HTR1F: variants seen among roughly 807,000 people sequenced by gnomAD.
The protein encoded by HTR1F is 5-hydroxytryptamine receptor 1F, also known as 5-hydroxytryptamine (serotonin) receptor 1F, G protein-coupled.
HTR1F carries 17 observed loss-of-function variants against 24.0 expected under a neutral mutation model. The ratio of observed to expected loss-of-function variants is 0.71; its 90% CI spans 0.48 to 1.06. HTR1F has a LOEUF of 1.06. Among genes scored for constraint, HTR1F ranks in the 50% least tolerant of loss-of-function variants. The pLI is 0.00. For synonymous variants in HTR1F, 186 were observed against 156.8 expected (o/e 1.19, Z -1.39); for missense variants, 391 against 427.8 (o/e 0.91, Z 0.76).
At chr3:87,899,165 C>T (rs1463551237) in intron 2 of HTR1F, among the ~76,000 whole-genome samples, 1 of 152,126 alleles carries the variant, frequency 6.6e-6, no homozygotes, top group Non-Finnish European at 1.5e-5. Context: ...TGTCCTTTGA[C>T]AATGCTAGGC....
chr3:87,873,764 T>C lies in HTR1F; in HGVS notation c.-43+51640T>C, dbSNP rs555066798. Among the ~76,000 whole-genome samples the C allele has an allele frequency of 2.6e-5, 4 of 152,292 alleles. No homozygotes were observed. The East Asian group carries it at 5.8e-4, about 22-fold the overall frequency. ...GGGATTTATTCCTAAAATGCAAGCA[T>C]GGCTCAACTTACAAAAATCAATCAA... On this transcript the variant is annotated intron_variant, in intron 2 of 2. Transcript: ENST00000319595.
chr3:87,850,342 GCAAACT>G (rs1705055535), intron 2 of HTR1F, among the ~76,000 whole-genome samples: 1 of 151,792 alleles, frequency 6.6e-6, no homozygotes, highest in African/African-American at 2.4e-5. Flanking sequence ...ATCATTCTCA[GCAAACT>G]ATCGCAAGGA....
intron 2 of HTR1F, among the ~76,000 whole-genome samples, chr3:87,984,445 TTTTG>T (rs1386600332): frequency 1.0e-5 from 1 of 97,926 alleles, no homozygotes; most frequent in Admixed American, 1.1e-4. Flanking sequence ...AAAGAGGTTT[TTTTG>T]TTTGTTTGTT....
intron 1 of HTR1F, among the ~76,000 whole-genome samples, chr3:87,813,281 A>G (rs1197726232): frequency 1.3e-5 from 2 of 152,222 alleles, no homozygotes; most frequent in Non-Finnish European, 2.9e-5. Context: ...GTCAAAAGAC[A>G]TTATTTTGGA....
intron 2 of HTR1F, among the ~76,000 whole-genome samples, chr3:87,859,792 T>C (rs1283531198): frequency 6.6e-6 from 1 of 152,068 alleles, no homozygotes; most frequent in Admixed American, 6.6e-5. Context: ...GCCAATAAAT[T>C]CCAAATCATA....
At chr3:87,929,032 CACCTGTCAGCTGGAGGTA>C (rs1398506846) in intron 2 of HTR1F, among the ~76,000 whole-genome samples, 2 of 152,154 alleles carry the variant, frequency 1.3e-5, no homozygotes, top group Non-Finnish European at 1.5e-5. Context: ...CTCTTCACAT[CACCTGTCAGCTGGAGGTA>C]AAAAAGGATA....
intron 2 of HTR1F, among the ~76,000 whole-genome samples, chr3:87,902,802 T>G (rs1420857001): frequency 7.5e-6 from 1 of 133,470 alleles, no homozygotes; most frequent in Non-Finnish European, 1.5e-5. Flanking sequence ...CCTGTGTCCA[T>G]GTGTTCTCAT....
At chr3:87,965,714 G>A (rs763958724) in intron 2 of HTR1F, among the ~76,000 whole-genome samples, 1 of 152,122 alleles carries the variant, frequency 6.6e-6, no homozygotes, top group African/African-American at 2.4e-5. Flanking sequence ...ACAAATGCCT[G>A]AGATTATATC....
chr3:87,848,563 T>C (rs914638983), intron 2 of HTR1F, among the ~76,000 whole-genome samples: 6 of 151,908 alleles, frequency 3.9e-5, no homozygotes, highest in Non-Finnish European at 8.8e-5. Context: ...GCATTTTCTT[T>C]ATATAAATGT....
At chr3:87,830,957 T>A (rs1489774) in intron 2 of HTR1F, among the ~76,000 whole-genome samples, 56,037 of 152,142 alleles carry the variant, frequency 0.37, 15,051 homozygotes, top group African/African-American at 0.76. Flanking sequence ...TAAATATGAC[T>A]TATAAATAAT....
intron 2 of HTR1F, among the ~76,000 whole-genome samples, chr3:87,962,476 T>C (rs1342352684): frequency 8.5e-5 from 13 of 152,064 alleles, no homozygotes; most frequent in Admixed American, 8.5e-4. Context: ...CGACATGAAC[T>C]TCATTATACT....
chr3:87,920,750 GA>G (rs1703996587), intron 2 of HTR1F, among the ~76,000 whole-genome samples: 2 of 151,824 alleles, frequency 1.3e-5, no homozygotes, highest in Admixed American at 6.6e-5. Flanking sequence ...GGAGGGAGAG[GA>G]ACTGAAAAAA....
intron 2 of HTR1F, among the ~76,000 whole-genome samples, chr3:87,936,958 G>A (rs1432179086): frequency 6.6e-6 from 1 of 151,094 alleles, no homozygotes; most frequent in African/African-American, 2.4e-5. Flanking sequence ...GACCAATAAT[G>A]AGCTCCAAAA....
chr3:87,988,699 G>T (rs1340742835), intron 2 of HTR1F, among the ~76,000 whole-genome samples: 1 of 151,900 alleles, frequency 6.6e-6, no homozygotes, highest in Non-Finnish European at 1.5e-5. Flanking sequence ...CTCCGAAGTA[G>T]CTGGGACTAC....
intron 1 of HTR1F, among the ~76,000 whole-genome samples, chr3:87,801,563 G>T (rs1252042458): frequency 6.6e-6 from 1 of 152,134 alleles, no homozygotes; most frequent in African/African-American, 2.4e-5. Flanking sequence ...CTGGAAAGGT[G>T]GGGCATCTTG....
At chr3:87,854,982 T>C (rs536554493) in intron 2 of HTR1F, among the ~76,000 whole-genome samples, 2 of 152,072 alleles carry the variant, frequency 1.3e-5, no homozygotes, top group African/African-American at 4.8e-5. Flanking sequence ...AGCAGATCTA[T>C]TCATTAGAGC....
intron 2 of HTR1F, among the ~76,000 whole-genome samples, chr3:87,842,292 C>T (rs907606635): frequency 4.6e-5 from 7 of 151,620 alleles, no homozygotes; most frequent in African/African-American, 1.5e-4. Flanking sequence ...TCCCGAGTAG[C>T]TGGGATTATA....
At chr3:87,877,698 T>C (rs1705701250) in intron 2 of HTR1F, among the ~76,000 whole-genome samples, 1 of 152,188 alleles carries the variant, frequency 6.6e-6, no homozygotes, top group African/African-American at 2.4e-5. Flanking sequence ...TTCAACTGAC[T>C]CTGAGTTAAC....
chr3:87,911,148 A>G (rs1703770923), intron 2 of HTR1F, among the ~76,000 whole-genome samples: 1 of 152,028 alleles, frequency 6.6e-6, no homozygotes, highest in Admixed American at 6.6e-5. Context: ...ATCAAGACAC[A>G]AAAAAACACT....
Sources: gnomAD v4.1 joint callset for allele counts (sites outside exome capture counted in the v4.1 genomes callset) on GRCh38, gnomAD v4.1.1 for gene constraint, MANE v1.5 for transcripts, NCBI Gene and HGNC (gene_info 2026-07-23, HGNC 2026-07-21) for gene names.